Variants in TMIGD1 observed in about 807,000 individuals in gnomAD.
The protein encoded by TMIGD1 is transmembrane and immunoglobulin domain-containing protein 1.
TMIGD1 carries 29 observed loss-of-function variants against 27.5 expected under a neutral mutation model. The ratio of observed to expected loss-of-function variants is 1.05; its 90% CI spans 0.78 to 1.44. The LOEUF (loss-of-function observed/expected upper bound fraction) is 1.44. Ranked by LOEUF, TMIGD1 falls within the 40% of genes most tolerant of loss-of-function variation. TMIGD1 has a pLI of 0.00. For missense variants in TMIGD1, 334 were observed against 310.6 expected (o/e 1.08, Z -0.57); for synonymous variants, 109 against 110.3 (o/e 0.99, Z 0.07).
intron 4 of TMIGD1, among the ~76,000 whole-genome samples, chr17:30,320,343 A>G (rs1326631548): frequency 1.3e-5 from 2 of 152,102 alleles, no homozygotes; most frequent in Non-Finnish European, 2.9e-5. Context: ...GCCAAGAGCT[A>G]CTTTATTTAT....
At chr17:30,318,697 C>A in intron 5 of TMIGD1, 113 bp downstream of exon 5, 1 of 667,102 alleles carries the variant, frequency 1.5e-6, no homozygotes, top group Non-Finnish European at 2.6e-6. Context: ...GGTATAAAGA[C>A]CAGATTTGAC....
intron 1 of TMIGD1, among the ~76,000 whole-genome samples, chr17:30,332,763 T>C (rs1213242233): frequency 3.3e-5 from 5 of 152,170 alleles, no homozygotes; most frequent in Admixed American, 2.0e-4. Flanking sequence ...CCCTTCTTGC[T>C]TTTGCTTCAA....
chr17:30,327,742 A>ATT (rs5819893), intron 3 of TMIGD1, among the ~76,000 whole-genome samples: 318 of 146,408 alleles, frequency 2.2e-3, no homozygotes, highest in South Asian at 0.013. Flanking sequence ...AACACACCTT[A>ATT]TTTTTTTTTT....
intron 2 of TMIGD1, among the ~76,000 whole-genome samples, chr17:30,330,496 A>C (rs1372861742): frequency 1.3e-5 from 2 of 152,262 alleles, no homozygotes; most frequent in African/African-American, 4.8e-5. Context: ...CTACAAATGT[A>C]TCAAAATTGC....
At chr17:30,323,214 G>A (rs965020612) in intron 4 of TMIGD1, among the ~76,000 whole-genome samples, 1 of 152,142 alleles carries the variant, frequency 6.6e-6, no homozygotes, top group East Asian at 1.9e-4. Context: ...CTTTGGCAAG[G>A]GTAATTACAT....
At chr17:30,330,332 G>T (rs138966757) in intron 2 of TMIGD1, among the ~76,000 whole-genome samples, 2 of 152,104 alleles carry the variant, frequency 1.3e-5, no homozygotes, top group Admixed American at 1.3e-4. Flanking sequence ...ACACACACAC[G>T]CATGCATATA....
intron 5 of TMIGD1, among the ~76,000 whole-genome samples, chr17:30,317,604 C>CA (rs1198067897): frequency 1.3e-5 from 2 of 151,310 alleles, no homozygotes; most frequent in South Asian, 2.1e-4. Context: ...ACTAAAAATA[C>CA]AAAAAAACAG....
rs551067856 is a variant in TMIGD1 at position 30,324,725 on chromosome 17, C to T, written c.640+91G>A. On this transcript the variant is annotated intron_variant, in intron 4 of 6. Coordinates refer to ENST00000328886, the MANE Select transcript of TMIGD1 (RefSeq NM_206832.3). ...AGAAAATCCTGGCCCTAATCATAAC[C>T]GTTATTATCATTTATTGTCACCAGA... The T allele has an allele frequency of 6.9e-5, 100 of 1,441,174 alleles. 1 individual carries two copies. In the South Asian group the frequency reaches 1.0e-3, roughly 15 times the overall value. The allele number at this position is 1,441,174 out of a possible 1,614,324, so 89.3% of individuals were successfully genotyped here.
intron 5 of TMIGD1, among the ~76,000 whole-genome samples, chr17:30,317,689 G>A (rs1909461270): frequency 6.6e-6 from 1 of 152,014 alleles, no homozygotes; most frequent in Admixed American, 6.6e-5. Flanking sequence ...GAACCTGGGA[G>A]GTGGAGCTTG....
In TMIGD1 at chr17:30,333,033, G is replaced by A. The variant is rs77371693; in HGVS notation, c.-25-875C>T. On this transcript the variant is annotated intron_variant, in intron 1 of 6. Transcript: ENST00000328886. Reference sequence around the variant, plus strand: ...CCCACAGACAGTAAATGTCAAGGTCGGGATTTGAACCCAGACTCCCAAGAC... The same window carrying A: ...CCCACAGACAGTAAATGTCAAGGTCAGGATTTGAACCCAGACTCCCAAGAC... 6.0e-3 allele frequency among the ~76,000 whole-genome samples: 911 copies of A among 152,152 alleles called. 6 individuals are homozygous for A. Among genetic ancestry groups the A allele is most frequent in the African/African-American group, 0.01 (431 of 41,498 alleles).
chr17:30,318,951 T>C, intron 4 of TMIGD1, 38 bp from the exon 5 acceptor site: 1 of 1,411,504 alleles, frequency 7.1e-7, no homozygotes, highest in Non-Finnish European at 1.0e-6. Context: ...AGAATGAACA[T>C]TTATATACTT....
intron 4 of TMIGD1, among the ~76,000 whole-genome samples, chr17:30,320,859 C>A (rs916088739): frequency 6.6e-6 from 1 of 151,936 alleles, no homozygotes; most frequent in Non-Finnish European, 1.5e-5. Context: ...CATAGTGAGA[C>A]CCTTTTTTTC....
At chr17:30,328,968 C>CAAAA (rs34701131) in intron 3 of TMIGD1, among the ~76,000 whole-genome samples, 1 of 86,914 alleles carries the variant, frequency 1.2e-5, no homozygotes, top group African/African-American at 4.5e-5. Flanking sequence ...GACTCTGTCT[C>CAAAA]AAAAAAAAAA....
chr17:30,329,519 TAAAAC>T lies in TMIGD1; in HGVS notation c.88_92del (p.Val30AsnfsTer5). The T allele has an allele frequency of 6.2e-7, 1 of 1,609,674 alleles. No homozygotes were observed. Among genetic ancestry groups the T allele is most frequent in the Non-Finnish European group, 8.5e-7 (1 of 1,176,422 alleles). On this transcript the variant is annotated frameshift_variant, in exon 3 of 7. Transcript: ENST00000328886. LOFTEE classifies it high-confidence loss of function. The stretch of plus-strand genomic sequence containing the variant: ...AGTTCTCAGTTTTACCATTCACAGT[TAAAAC>T]AGAACCTGGGAGTATAGGGAGAAAC...
rs1456499418 is a variant in TMIGD1, at chr17:30,324,973, G to A, written c.483C>T (p.Leu161=). Residue 161 remains leucine (L), a synonymous_variant, in exon 4 of 7, where the codon CTC becomes CTT. Transcript: ENST00000328886. ...GGTGACGGCTTTTCTCTAAATCGAG[G>A]AGACTACTGTTTTTGTACCACATCA... ...AQMMWYKNSS[L]LDLEKSRHQI... 6.2e-7 allele frequency: 1 copy of A among 1,614,126 alleles called. No homozygotes were observed. The highest frequency in any genetic ancestry group is 1.7e-5 in the Admixed American group (1 of 60,010).
At chr17:30,329,124 A>C in intron 3 of TMIGD1, 127 bp downstream of exon 3, 3 of 1,048,752 alleles carry the variant, frequency 2.9e-6, no homozygotes, top group Non-Finnish European at 4.1e-6. Context: ...GGAAATAGGT[A>C]CTCTCATACT....
chr17:30,319,423 T>C (rs1785289430), intron 4 of TMIGD1, among the ~76,000 whole-genome samples: 1 of 121,136 alleles, frequency 8.3e-6, no homozygotes, highest in South Asian at 2.8e-4. Context: ...AGACTCTCTC[T>C]GTCTCCAAAA....
Position 30,329,263 on chromosome 17 carries a change from GCAC to G in TMIGD1, c.346_348del (p.Val116del). On this transcript the variant is annotated inframe_deletion, in exon 3 of 7. Coordinates refer to ENST00000328886, the MANE Select transcript of TMIGD1 (RefSeq NM_206832.3). ...TCCCCTCACTCACAAGTAACATTCA[GCAC>G]CACCGAAACGGACACGGACTGATCC... The G allele has an allele frequency of 6.2e-7, 1 of 1,613,378 alleles. No homozygotes were observed. Among genetic ancestry groups the G allele is most frequent in the Non-Finnish European group, 8.5e-7 (1 of 1,179,508 alleles).
intron 4 of TMIGD1, among the ~76,000 whole-genome samples, chr17:30,323,397 T>A (rs1052428267): frequency 6.6e-6 from 1 of 152,176 alleles, no homozygotes; most frequent in Admixed American, 6.5e-5. Flanking sequence ...AGGTACTTCC[T>A]CACTGAGCCG....
Sources: gnomAD v4.1 joint callset for allele counts (sites outside exome capture counted in the v4.1 genomes callset) on GRCh38, gnomAD v4.1.1 for gene constraint, MANE v1.5 for transcripts, NCBI Gene and HGNC (gene_info 2026-07-23, HGNC 2026-07-21) for gene names.